The following PID1 variants were observed in gnomAD, a reference collection of about 807,000 sequenced individuals.
PID1 encodes PTB-containing, cubilin and LRP1-interacting protein.
Under a neutral mutation model 19.1 loss-of-function variants are expected in PID1, and 10 were observed. That is an observed-to-expected ratio of 0.52 (90% CI 0.32 to 0.89). The LOEUF is 0.89. Ranked by LOEUF, PID1 falls within the 40% of genes least tolerant of loss-of-function variation. PID1 has a pLI of 0.03. For synonymous variants in PID1, 130 were observed against 116.0 expected (o/e 1.12, Z -0.78); for missense variants, 248 against 285.3 (o/e 0.87, Z 0.94).
intron 2 of PID1, among the ~76,000 whole-genome samples, chr2:229,135,090 G>C (rs1479523101): frequency 6.6e-6 from 1 of 152,162 alleles, no homozygotes; most frequent in Non-Finnish European, 1.5e-5. Context: ...AGGGAAAGAT[G>C]TGAGAAAGGA....
intron 2 of PID1, among the ~76,000 whole-genome samples, chr2:229,106,627 G>A (rs1695184417): frequency 6.6e-6 from 1 of 152,180 alleles, no homozygotes; most frequent in African/African-American, 2.4e-5. Flanking sequence ...CACATAGAAG[G>A]CGCCATCTAT....
chr2:229,082,373 C>A (rs184154139), intron 2 of PID1, among the ~76,000 whole-genome samples: 2 of 152,338 alleles, frequency 1.3e-5, no homozygotes, highest in Non-Finnish European at 2.9e-5. Flanking sequence ...ACTCACTGAC[C>A]TTTACCCCAT....
chr2:229,105,293 A>G (rs1469548731), intron 2 of PID1, among the ~76,000 whole-genome samples: 1 of 152,302 alleles, frequency 6.6e-6, no homozygotes, highest in East Asian at 1.9e-4. Context: ...CCATGTGGAA[A>G]GGAAGCGGCC....
At chr2:229,047,134 CA>C (rs755163228) in intron 2 of PID1, among the ~76,000 whole-genome samples, 3 of 152,236 alleles carry the variant, frequency 2.0e-5, no homozygotes, top group Non-Finnish European at 2.9e-5. Flanking sequence ...GCTGCTCATG[CA>C]TTTCGGAGCA....
At chr2:229,146,739 C>G (rs1340847427) in intron 2 of PID1, among the ~76,000 whole-genome samples, 1 of 151,990 alleles carries the variant, frequency 6.6e-6, no homozygotes, top group Non-Finnish European at 1.5e-5. Context: ...ACTGGATTAT[C>G]CAACGGGCAC....
At chr2:229,050,763 C>A (rs1693979611) in intron 2 of PID1, among the ~76,000 whole-genome samples, 1 of 152,114 alleles carries the variant, frequency 6.6e-6, no homozygotes, top group African/African-American at 2.4e-5. Flanking sequence ...CACTGTAGGC[C>A]TTCTAGTAAA....
intron 1 of PID1, among the ~76,000 whole-genome samples, chr2:229,267,218 T>G (rs1177141575): frequency 6.6e-6 from 1 of 152,082 alleles, no homozygotes; most frequent in Admixed American, 6.5e-5. Context: ...GGATCTGGGG[T>G]CCTCCCTACT....
chr2:229,044,017 G>C (rs1574579936), intron 2 of PID1, among the ~76,000 whole-genome samples: 1 of 152,284 alleles, frequency 6.6e-6, no homozygotes, highest in African/African-American at 2.4e-5. Context: ...GTAAAGCAAA[G>C]ATACAGAAAC....
At chr2:229,116,027 T>C (rs1695404252) in intron 2 of PID1, among the ~76,000 whole-genome samples, 1 of 151,888 alleles carries the variant, frequency 6.6e-6, no homozygotes, top group African/African-American at 2.4e-5. Context: ...GAGACGACCA[T>C]CCTGGCTAAC....
intron 1 of PID1, chr2:229,231,960 C>T (rs540348737): frequency 7.5e-5 from 116 of 1,550,402 alleles, no homozygotes; most frequent in South Asian, 1.2e-4. Context: ...GATCAAGGTG[C>T]GGGCTTGTTT....
At chr2:229,026,805 C>T (rs1256235125) in intron 2 of PID1, among the ~76,000 whole-genome samples, 3 of 152,152 alleles carry the variant, frequency 2.0e-5, no homozygotes, top group African/African-American at 4.8e-5. Context: ...AGAATGCTGG[C>T]TTATCACCTA....
In PID1 at chr2:229,159,916, G is replaced by A. The variant is rs530060806; in HGVS notation, c.31-3952C>T. Among the ~76,000 whole-genome samples, 80 of 152,286 alleles carry A rather than the reference G, an allele frequency of 5.3e-4. 1 individual carries two copies. The Middle Eastern group carries it at 0.014, about 26-fold the overall frequency. Reference sequence around the variant, plus strand: ...GTTGCCAACAGGGGACAGTGGTCTGGAAGGAGCCACATAGGTCACTGAGAG... The same window carrying A: ...GTTGCCAACAGGGGACAGTGGTCTGAAAGGAGCCACATAGGTCACTGAGAG... On this transcript the variant is annotated intron_variant, in intron 1 of 2. Transcript: ENST00000392055.
At chr2:229,038,085 C>T (rs896423873) in intron 2 of PID1, among the ~76,000 whole-genome samples, 4 of 152,196 alleles carry the variant, frequency 2.6e-5, no homozygotes, top group South Asian at 2.1e-4. Flanking sequence ...AGGTCACAAA[C>T]ACACAAATCT....
intron 2 of PID1, among the ~76,000 whole-genome samples, chr2:229,106,828 C>T (rs1695187496): frequency 6.6e-6 from 1 of 152,142 alleles, no homozygotes; most frequent in Admixed American, 6.5e-5. Flanking sequence ...ATTATGGATT[C>T]AAGGAACTAG....
At chr2:229,036,993 T>A (rs558785461) in intron 2 of PID1, among the ~76,000 whole-genome samples, 1 of 152,322 alleles carries the variant, frequency 6.6e-6, no homozygotes, top group Admixed American at 6.5e-5. Flanking sequence ...ATGGAATGAT[T>A]ATGACCCAGA....
intron 2 of PID1, among the ~76,000 whole-genome samples, chr2:229,154,411 T>C (rs1167512476): frequency 6.6e-6 from 1 of 152,028 alleles, no homozygotes; most frequent in Admixed American, 6.6e-5. Context: ...CTCCTGCAGG[T>C]TCTTCACAAA....
intron 1 of PID1, among the ~76,000 whole-genome samples, chr2:229,195,893 C>G: frequency 6.6e-6 from 1 of 151,950 alleles, no homozygotes; most frequent in African/African-American, 2.4e-5. Flanking sequence ...TTATAGACTG[C>G]AAATGCTCAG....
intron 2 of PID1, among the ~76,000 whole-genome samples, chr2:229,123,835 A>G (rs1187196467): frequency 2.6e-5 from 4 of 152,170 alleles, no homozygotes; most frequent in Non-Finnish European, 4.4e-5. Context: ...GTCTTTTTAA[A>G]TCATTTGCAC....
chr2:229,163,910 T>G (rs1690547465), intron 1 of PID1, among the ~76,000 whole-genome samples: 1 of 152,230 alleles, frequency 6.6e-6, no homozygotes, highest in Non-Finnish European at 1.5e-5. Flanking sequence ...AAGTTTTATT[T>G]AATTCACAGA....
Sources: allele counts gnomAD v4.1 joint callset (sites outside exome capture counted in the v4.1 genomes callset), GRCh38; gene constraint gnomAD v4.1.1; transcripts MANE v1.5; gene names NCBI Gene and HGNC (gene_info 2026-07-23, HGNC 2026-07-21).